SLC25A21: variants seen among roughly 807,000 people sequenced by gnomAD.
SLC25A21 encodes the protein solute carrier family 25 member 21.
In SLC25A21, 47 loss-of-function variants were observed where a neutral mutation model predicts 43.8. The observed-to-expected ratio is 1.07, with a 90% confidence interval of 0.85 to 1.37. The LOEUF (loss-of-function observed/expected upper bound fraction) is 1.37, where lower values mean the gene tolerates loss of function less well. Ranked by LOEUF, SLC25A21 falls within the 40% of genes most tolerant of loss-of-function variation. The pLI is 0.00. For synonymous variants in SLC25A21, 131 were observed against 121.3 expected (o/e 1.08, Z -0.52); for missense variants, 352 against 350.2 (o/e 1.00, Z -0.04).
intron 3 of SLC25A21, among the ~76,000 whole-genome samples, chr14:36,743,967 G>A (rs536975164): frequency 4.6e-4 from 70 of 152,208 alleles, no homozygotes; most frequent in African/African-American, 1.3e-3. Context: ...AACCAAGGAG[G>A]TGAAAAATTC....
intron 3 of SLC25A21, among the ~76,000 whole-genome samples, chr14:36,745,049 T>C (rs942766118): frequency 2.7e-5 from 4 of 148,592 alleles, no homozygotes; most frequent in Non-Finnish European, 6.0e-5. Context: ...TGTGTCCATG[T>C]GTTCTCATTG....
chr14:36,965,584 T>C (rs1186364456), intron 1 of SLC25A21, among the ~76,000 whole-genome samples: 3 of 152,324 alleles, frequency 2.0e-5, no homozygotes, highest in South Asian at 2.1e-4. Flanking sequence ...CATGTAGACA[T>C]ACTTTCCAAA....
rs11846560 is a variant in SLC25A21 at position 37,111,093 on chromosome 14, C to T, written c.70+61188G>A. 6.5e-3 allele frequency among the ~76,000 whole-genome samples: 988 copies of T among 152,226 alleles called. 12 individuals carry two copies. Among genetic ancestry groups the T allele is most frequent in the African/African-American group, 0.023 (943 of 41,542 alleles). Reference sequence around the variant, plus strand: ...AAAATTATGCCTTCTCTCAATGCCTCAATGTTTTCTTATAAAGTAAGAAAG... The same window carrying T: ...AAAATTATGCCTTCTCTCAATGCCTTAATGTTTTCTTATAAAGTAAGAAAG... On this transcript the variant is annotated intron_variant, in intron 1 of 9. Coordinates refer to ENST00000331299, the MANE Select transcript of SLC25A21 (RefSeq NM_030631.4).
chr14:37,167,163 C>T (rs1416294154), intron 1 of SLC25A21, among the ~76,000 whole-genome samples: 1 of 152,116 alleles, frequency 6.6e-6, no homozygotes, highest in Non-Finnish European at 1.5e-5. Context: ...AAATTGAGGG[C>T]ATATAACAGG....
rs572071155 is a variant in SLC25A21, at chr14:37,149,935, T to C, written c.70+22346A>G. ...GTTTGATTACAGAAGCAAGCACTTCTGGCATTTCCCATTCATAAACCAAAT... is the reference window on the plus strand; with the variant it reads ...GTTTGATTACAGAAGCAAGCACTTCCGGCATTTCCCATTCATAAACCAAAT... On this transcript the variant is annotated intron_variant, in intron 1 of 9. Transcript: ENST00000331299. 1.1e-4 allele frequency among the ~76,000 whole-genome samples: 16 copies of C among 152,290 alleles called. No homozygotes were observed. The East Asian group carries it at 2.9e-3, about 28-fold the overall frequency.
intron 2 of SLC25A21, among the ~76,000 whole-genome samples, chr14:36,854,217 C>T (rs943649329): frequency 5.9e-5 from 9 of 152,262 alleles, no homozygotes; most frequent in South Asian, 2.1e-4. Context: ...AAATGTAAAA[C>T]GTGCATATGA....
intron 1 of SLC25A21, among the ~76,000 whole-genome samples, chr14:36,898,914 TAA>T (rs1891325972): frequency 6.6e-6 from 1 of 152,216 alleles, no homozygotes; most frequent in African/African-American, 2.4e-5. Context: ...TTGAAAATGC[TAA>T]GAGAGTGGAT....
chr14:37,082,333 A>C lies in SLC25A21; in HGVS notation c.70+89948T>G, dbSNP rs567105420. Among the ~76,000 whole-genome samples the C allele has an allele frequency of 2.6e-5, 4 of 152,352 alleles. No individual in the cohort carries two copies. In the East Asian group the frequency reaches 7.7e-4, roughly 29 times the overall value. On this transcript the variant is annotated intron_variant, in intron 1 of 9. Transcript: ENST00000331299. ...GATCCATACTCCAAACCTCAGTATC[A>C]TGCAATATTCCCATGTAACAAATCT... is the stretch of plus-strand genomic sequence containing the variant.
chr14:37,160,224 C>T (rs1566922002), intron 1 of SLC25A21, among the ~76,000 whole-genome samples: 1 of 152,070 alleles, frequency 6.6e-6, no homozygotes, highest in East Asian at 1.9e-4. Flanking sequence ...GGTATCTACC[C>T]AAAGGAAATG....
chr14:36,736,757 A>G (rs145610941), intron 3 of SLC25A21, among the ~76,000 whole-genome samples: 2 of 152,346 alleles, frequency 1.3e-5, no homozygotes, highest in Admixed American at 1.3e-4. Context: ...ACTGGAGAAG[A>G]ATGATCTTAG....
At chr14:37,098,434 C>T (rs1962743220) in intron 1 of SLC25A21, 1 of 152,178 alleles carries the variant, frequency 6.6e-6, no homozygotes, top group South Asian at 2.1e-4. Context: ...CTAGTCCCAG[C>T]TCTGCCACTA....
intron 2 of SLC25A21, among the ~76,000 whole-genome samples, chr14:36,855,312 G>A (rs1272370174): frequency 1.3e-5 from 2 of 152,066 alleles, no homozygotes; most frequent in East Asian, 3.9e-4. Flanking sequence ...CCAAGTAGTA[G>A]GAAAAGTTCA....
intron 2 of SLC25A21, among the ~76,000 whole-genome samples, chr14:36,870,310 A>C (rs371656857): frequency 2.6e-5 from 4 of 152,218 alleles, no homozygotes; most frequent in African/African-American, 9.6e-5. Context: ...ATTCTTTCAC[A>C]GTTCAGAAGT....
At chr14:36,868,818 G>T (rs1890285771) in intron 2 of SLC25A21, among the ~76,000 whole-genome samples, 1 of 152,194 alleles carries the variant, frequency 6.6e-6, no homozygotes, top group Non-Finnish European at 1.5e-5. Flanking sequence ...ACTTCCCTGG[G>T]TTCAGCAAAT....
intron 1 of SLC25A21, among the ~76,000 whole-genome samples, chr14:37,107,691 A>G (rs1962941348): frequency 6.6e-6 from 1 of 152,178 alleles, no homozygotes; most frequent in Non-Finnish European, 1.5e-5. Context: ...CTGAAAAAGA[A>G]ACTGAAGCAC....
At chr14:37,063,018 CT>C (rs1225108249) in intron 1 of SLC25A21, among the ~76,000 whole-genome samples, 1 of 152,162 alleles carries the variant, frequency 6.6e-6, no homozygotes, top group African/African-American at 2.4e-5. Flanking sequence ...GTAGAAAGTA[CT>C]TCTTCACAGG....
At chr14:36,771,754 T>TAA (rs5807907) in intron 3 of SLC25A21, among the ~76,000 whole-genome samples, 2 of 146,276 alleles carry the variant, frequency 1.4e-5, no homozygotes, top group Non-Finnish European at 3.0e-5. Context: ...GCAAGAAACA[T>TAA]AAAAAAAAAA....
At chr14:37,115,261 GAA>G (rs1471720801) in intron 1 of SLC25A21, among the ~76,000 whole-genome samples, 3 of 152,198 alleles carry the variant, frequency 2.0e-5, no homozygotes, top group Non-Finnish European at 4.4e-5. Flanking sequence ...AGGTCCCACT[GAA>G]GTTTGCCAAG....
At chr14:36,847,684 G>A (rs1362430531) in intron 2 of SLC25A21, among the ~76,000 whole-genome samples, 2 of 152,168 alleles carry the variant, frequency 1.3e-5, no homozygotes, top group African/African-American at 2.4e-5. Context: ...TGAGAAGGGC[G>A]TGCCATGTTT....
Sources: gnomAD v4.1 joint callset for allele counts (sites outside exome capture counted in the v4.1 genomes callset) on GRCh38, gnomAD v4.1.1 for gene constraint, MANE v1.5 for transcripts, NCBI Gene and HGNC (gene_info 2026-07-23, HGNC 2026-07-21) for gene names.